BRINP1: variants seen among roughly 807,000 people sequenced by gnomAD.
The protein encoded by BRINP1 is BMP/retinoic acid-inducible neural-specific protein 1.
In BRINP1, 17 loss-of-function variants were observed where a neutral mutation model predicts 72.9. That is an observed-to-expected ratio of 0.23 (90% confidence interval 0.16 to 0.35). BRINP1 has a LOEUF of 0.35. BRINP1 is among the 10% of genes least tolerant of loss of function. BRINP1 has a pLI of 1.00. For missense variants in BRINP1, 850 were observed against 1,001.6 expected (o/e 0.85, Z 2.04); for synonymous variants, 418 against 378.5 (o/e 1.10, Z -1.21).
At chr9:119,170,110 A>C (rs1829385364) in intron 7 of BRINP1, among the ~76,000 whole-genome samples, 1 of 152,128 alleles carries the variant, frequency 6.6e-6, no homozygotes, top group African/African-American at 2.4e-5. Context: ...CCTCACCAGC[A>C]ACGGAACAAA....
intron 5 of BRINP1, among the ~76,000 whole-genome samples, chr9:119,229,017 C>T (rs998818386): frequency 2.0e-5 from 3 of 152,084 alleles, no homozygotes; most frequent in African/African-American, 7.2e-5. Context: ...TTTGAAGTTG[C>T]CAAGTACACT....
chr9:119,186,635 C>G (rs1362945479), intron 7 of BRINP1, among the ~76,000 whole-genome samples: 2 of 152,180 alleles, frequency 1.3e-5, no homozygotes, highest in African/African-American at 4.8e-5. Context: ...CCCAGGGAAG[C>G]ACAGCCTTGG....
rs543951856 is a variant in BRINP1 at position 119,204,357 on chromosome 9, C to T, written c.1145+4362G>A. ...AGAGCCAAAATACCCCTTTTGCCTTCCAGCCAATATTAAGTTTCTAGCAAG... is the reference window on the plus strand; with the variant it reads ...AGAGCCAAAATACCCCTTTTGCCTTTCAGCCAATATTAAGTTTCTAGCAAG... On this transcript the variant is annotated intron_variant, in intron 7 of 7. Coordinates refer to ENST00000265922, the MANE Select transcript of BRINP1 (RefSeq NM_014618.3). 6.7e-4 allele frequency among the ~76,000 whole-genome samples: 102 copies of T among 152,312 alleles called. 3 individuals carry two copies. The South Asian group carries it at 0.021, about 31-fold the overall frequency.
intron 2 of BRINP1, among the ~76,000 whole-genome samples, chr9:119,306,385 G>A (rs1038877435): frequency 6.6e-6 from 1 of 152,132 alleles, no homozygotes; most frequent in African/African-American, 2.4e-5. Flanking sequence ...TATCTATTCA[G>A]GGAGACCTTG....
intron 2 of BRINP1, among the ~76,000 whole-genome samples, chr9:119,269,511 T>G (rs1830586480): frequency 6.6e-6 from 1 of 152,216 alleles, no homozygotes; most frequent in Non-Finnish European, 1.5e-5. Flanking sequence ...TCTTTTCTTT[T>G]TGGTCTTCCT....
chr9:119,245,392 T>C (rs919679106), intron 3 of BRINP1, among the ~76,000 whole-genome samples: 22 of 152,198 alleles, frequency 1.4e-4, no homozygotes, highest in African/African-American at 4.8e-4. Flanking sequence ...CATGCACGCA[T>C]AGTCATACAT....
At position 119,167,375 on chromosome 9, in the gene BRINP1, G is replaced by A. The variant is rs532972157; in HGVS notation, c.1995C>T (p.Asn665=). Residue 665 remains asparagine, a synonymous_variant, in exon 8 of 8, where the codon AAC becomes AAT. Transcript: ENST00000265922. The surrounding 1 kb of genome is among the most constrained non-coding windows in gnomAD (Gnocchi z 4.3). ...VQVFGYSLRF[N]ADLLRSAVQQ... is the part of the protein sequence containing the mutation. ...GCACTGCACTGCGCAGGAGGTCGGC[G>A]TTGAACCTCAGGCTATACCCAAACA... The A allele has an allele frequency of 5.6e-4, 904 of 1,614,106 alleles. 9 individuals carry two copies. The South Asian group carries it at 9.2e-3, about 16-fold the overall frequency.
chr9:119,175,989 C>T (rs1284875685), intron 7 of BRINP1, among the ~76,000 whole-genome samples: 2 of 152,210 alleles, frequency 1.3e-5, no homozygotes, highest in South Asian at 2.1e-4. Context: ...CAGTTTTCTT[C>T]ACCTTCCTAA....
chr9:119,186,631 G>A (rs1164599890), intron 7 of BRINP1, among the ~76,000 whole-genome samples: 1 of 152,142 alleles, frequency 6.6e-6, no homozygotes, highest in Admixed American at 6.5e-5. Flanking sequence ...GACCCCCAGG[G>A]AAGCACAGCC....
intron 2 of BRINP1, among the ~76,000 whole-genome samples, chr9:119,259,394 G>C (rs967517539): frequency 6.6e-6 from 1 of 152,128 alleles, no homozygotes; most frequent in Admixed American, 6.5e-5. Flanking sequence ...CGTATCCTGC[G>C]GCAAGGCGTT....
chr9:119,198,818 T>C (rs1829773733), intron 7 of BRINP1, among the ~76,000 whole-genome samples: 1 of 151,954 alleles, frequency 6.6e-6, no homozygotes, highest in Non-Finnish European at 1.5e-5. Flanking sequence ...ATTACAGGTG[T>C]GCATCACCAC....
intron 7 of BRINP1, among the ~76,000 whole-genome samples, chr9:119,200,162 AAAT>A (rs562422909): frequency 6.6e-6 from 1 of 152,240 alleles, no homozygotes; most frequent in Non-Finnish European, 1.5e-5. Context: ...TCGGAGAAGC[AAAT>A]AATCTATGTG....
chr9:119,205,135 A>C (rs575161956), intron 7 of BRINP1, among the ~76,000 whole-genome samples: 1 of 152,284 alleles, frequency 6.6e-6, no homozygotes, highest in African/African-American at 2.4e-5. Context: ...CTGCGGTGTG[A>C]GAAATACTCA....
intron 7 of BRINP1, among the ~76,000 whole-genome samples, chr9:119,195,191 G>C (rs1247690458): frequency 2.6e-5 from 4 of 152,108 alleles, no homozygotes. Flanking sequence ...TCTGTGAACA[G>C]GGGCACTCAT....
In BRINP1 at chr9:119,357,529, A is replaced by G. The variant is rs370231092; in HGVS notation, c.-51+11527T>C. ...AACTAAGGGTGCAGATAAGCATGCT[A>G]AGCTAAGATTTCCTGCCGAGGCACT... On this transcript the variant is annotated intron_variant, in intron 1 of 7. Coordinates refer to ENST00000265922, the MANE Select transcript of BRINP1 (RefSeq NM_014618.3). 2.6e-4 allele frequency among the ~76,000 whole-genome samples: 40 copies of G among 152,212 alleles called. 1 individual carries two copies. The highest frequency in any genetic ancestry group is 1.2e-3 in the Admixed American group (18 of 15,282).
chr9:119,307,336 C>T (rs1831008494), intron 2 of BRINP1, among the ~76,000 whole-genome samples: 1 of 152,078 alleles, frequency 6.6e-6, no homozygotes, highest in African/African-American at 2.4e-5. Context: ...ATTTTTAACT[C>T]TGCAGGTAAT....
chr9:119,331,277 A>G (rs1406141286), intron 1 of BRINP1, among the ~76,000 whole-genome samples: 2 of 152,202 alleles, frequency 1.3e-5, no homozygotes, highest in African/African-American at 4.8e-5. Flanking sequence ...GGAGCCTTGG[A>G]AAGGCAGGAC....
At chr9:119,359,185 G>A (rs1445402514) in intron 1 of BRINP1, among the ~76,000 whole-genome samples, 1 of 152,050 alleles carries the variant, frequency 6.6e-6, no homozygotes, top group Non-Finnish European at 1.5e-5. Context: ...CCTCTATGAA[G>A]TTACTATTAT....
At chr9:119,269,242 A>G (rs1830583324) in intron 2 of BRINP1, among the ~76,000 whole-genome samples, 1 of 152,188 alleles carries the variant, frequency 6.6e-6, no homozygotes, top group South Asian at 2.1e-4. Context: ...ATTTTTACAC[A>G]TGGGCTTTGT....
Sources: gnomAD v4.1 joint callset for allele counts (sites outside exome capture counted in the v4.1 genomes callset) on GRCh38, gnomAD v4.1.1 for gene constraint, Gnocchi (gnomAD v3.1) non-coding constraint, MANE v1.5 for transcripts, NCBI Gene and HGNC (gene_info 2026-07-23, HGNC 2026-07-21) for gene names.